The following DSE variants were observed in gnomAD, a reference collection of about 807,000 sequenced individuals.
DSE encodes dermatan sulfate epimerase.
A neutral mutation model predicts 84.4 loss-of-function variants in DSE; 36 were observed. That is an observed-to-expected ratio of 0.43 (90% CI 0.33 to 0.56). The LOEUF is 0.56. Among genes scored for constraint, DSE ranks in the 20% least tolerant of loss-of-function variants. The probability of loss-of-function intolerance (pLI) is 0.06; values close to 1 mark genes in which losing one functional copy is unlikely to be tolerated. For synonymous variants in DSE, 410 were observed against 430.1 expected, an observed-to-expected ratio of 0.95 and a Z score of 0.58; for missense variants, 862 against 1,169.6, an observed-to-expected ratio of 0.74 and a Z score of 3.84.
At chr6:116,280,991 G>A (rs926033686) in intron 2 of DSE, among the ~76,000 whole-genome samples, 1 of 152,212 alleles carries the variant, frequency 6.6e-6, no homozygotes, top group Non-Finnish European at 1.5e-5. Flanking sequence ...TAGTTATGCG[G>A]CCAAAGGGAC....
chr6:116,402,708 A>T (rs1374998755), intron 2 of DSE, among the ~76,000 whole-genome samples: 1 of 152,160 alleles, frequency 6.6e-6, no homozygotes, highest in Non-Finnish European at 1.5e-5. Flanking sequence ...CATCTGTTTA[A>T]CTCATAAAAT....
At chr6:116,284,436 G>T (rs564762608) in intron 2 of DSE, among the ~76,000 whole-genome samples, 1 of 152,246 alleles carries the variant, frequency 6.6e-6, no homozygotes, top group African/African-American at 2.4e-5. Context: ...GAAAGTAATA[G>T]ACCCATGATT....
At chr6:116,322,850 T>C (rs1328181425) in intron 2 of DSE, among the ~76,000 whole-genome samples, 1 of 152,174 alleles carries the variant, frequency 6.6e-6, no homozygotes, top group Non-Finnish European at 1.5e-5. Context: ...TAGAAGAGAC[T>C]GCAGAATAAT....
intron 2 of DSE, among the ~76,000 whole-genome samples, chr6:116,297,516 T>C (rs748476286): frequency 6.6e-6 from 1 of 152,180 alleles, no homozygotes; most frequent in Non-Finnish European, 1.5e-5. Context: ...GAAACACTAA[T>C]TTTAGTGAAT....
intron 2 of DSE, among the ~76,000 whole-genome samples, chr6:116,348,738 A>G (rs1778144395): frequency 6.6e-6 from 1 of 152,352 alleles, no homozygotes; most frequent in African/African-American, 2.4e-5. Context: ...ATGTCCATCA[A>G]TGATAGACTG....
chr6:116,342,941 C>T (rs1030960565), intron 2 of DSE, among the ~76,000 whole-genome samples: 1 of 152,206 alleles, frequency 6.6e-6, no homozygotes, highest in Non-Finnish European at 1.5e-5. Flanking sequence ...GGGACACTTC[C>T]ACCCTAATAC....
intron 2 of DSE, among the ~76,000 whole-genome samples, chr6:116,312,186 A>G (rs1775732196): frequency 1.3e-5 from 2 of 152,236 alleles, no homozygotes; most frequent in African/African-American, 4.8e-5. Flanking sequence ...GTGGAGGTCC[A>G]GTGAATATGG....
At chr6:116,254,349 C>T in intron 1 of DSE, 17 of 542,608 alleles carry the variant, frequency 3.1e-5, no homozygotes, top group South Asian at 2.6e-4. Context: ...TTCTAAGGCA[C>T]CTAACCTATT....
chr6:116,340,292 G>A (rs772415690), intron 2 of DSE, among the ~76,000 whole-genome samples: 8 of 152,038 alleles, frequency 5.3e-5, no homozygotes, highest in Non-Finnish European at 8.8e-5. Flanking sequence ...TGTCCCACAG[G>A]TCTCTTTTCT....
intron 2 of DSE, among the ~76,000 whole-genome samples, chr6:116,357,564 A>G (rs189694479): frequency 2.6e-5 from 4 of 152,216 alleles, no homozygotes; most frequent in African/African-American, 9.6e-5. Context: ...TTTGCATGGC[A>G]TCAGCAGAGC....
intron 1 of DSE, among the ~76,000 whole-genome samples, chr6:116,392,708 C>T (rs1780986247): frequency 1.3e-5 from 2 of 152,222 alleles, no homozygotes; most frequent in African/African-American, 4.8e-5. Context: ...CAAGTTGCCC[C>T]AAGTTCAGGG....
chr6:116,418,712 T>C (rs1425790011), intron 2 of DSE, among the ~76,000 whole-genome samples: 2 of 152,198 alleles, frequency 1.3e-5, no homozygotes, highest in African/African-American at 4.8e-5. Flanking sequence ...TCAGTTCTTA[T>C]TGCAAACTTG....
intron 2 of DSE, among the ~76,000 whole-genome samples, chr6:116,402,070 C>G (rs1473951626): frequency 6.6e-6 from 1 of 152,148 alleles, no homozygotes; most frequent in East Asian, 1.9e-4. Flanking sequence ...TATTGAGCAT[C>G]TACTGTGTAT....
chr6:116,278,611 T>C (rs1387726528), intron 2 of DSE: 4 of 1,614,174 alleles, frequency 2.5e-6, no homozygotes, highest in Non-Finnish European at 3.4e-6. Flanking sequence ...CAACAGGTAG[T>C]ATTGCAGTGG....
intron 2 of DSE, among the ~76,000 whole-genome samples, chr6:116,343,270 C>T (rs1198601709): frequency 2.6e-5 from 4 of 152,198 alleles, no homozygotes; most frequent in Non-Finnish European, 5.9e-5. Flanking sequence ...CTTAAACGTC[C>T]CTGTCCAAAA....
intron 2 of DSE, chr6:116,400,450 A>G (rs1781522510): frequency 6.6e-6 from 1 of 152,356 alleles, no homozygotes; most frequent in Non-Finnish European, 1.5e-5. Flanking sequence ...AAAAAATTAC[A>G]TAAGCTGCCT....
chr6:116,383,622 T>C (rs1351118771), intron 1 of DSE, among the ~76,000 whole-genome samples: 1 of 152,220 alleles, frequency 6.6e-6, no homozygotes. Context: ...TTTTAAATAA[T>C]CATACCTATT....
In DSE at chr6:116,279,830, T is replaced by A; in HGVS notation, c.-54+20863T>A. 5 of 1,613,068 alleles carry A rather than the reference T, an allele frequency of 3.1e-6. No homozygotes were observed. In the South Asian group the frequency reaches 5.5e-5, roughly 18 times the overall value. On this transcript the variant is annotated intron_variant, in intron 2 of 3. Transcript: ENST00000430252. ...CTCTTGACCCCATCCAGGCCGCTCA[T>A]GTTGCTAACAGTCGGACCAACCGCA...
At chr6:116,377,262 C>T (rs374810478) in intron 1 of DSE, among the ~76,000 whole-genome samples, 4 of 152,136 alleles carry the variant, frequency 2.6e-5, no homozygotes, top group East Asian at 1.9e-4. Context: ...AACATTATAC[C>T]GCAACAAAGT....
Sources: gnomAD v4.1 joint callset for allele counts (sites outside exome capture counted in the v4.1 genomes callset) on GRCh38, gnomAD v4.1.1 for gene constraint, MANE v1.5 for transcripts, NCBI Gene and HGNC (gene_info 2026-07-23, HGNC 2026-07-21) for gene names.